Variants in SULF1 observed in about 807,000 individuals in gnomAD.
The protein encoded by SULF1 is extracellular sulfatase Sulf-1.
In SULF1, 46 loss-of-function variants were observed where a neutral mutation model predicts 110.5. The ratio of observed to expected loss-of-function variants is 0.42; its 90% CI spans 0.33 to 0.53. The LOEUF (loss-of-function observed/expected upper bound fraction) is 0.53, where lower values mean the gene tolerates loss of function less well. Ranked by LOEUF, SULF1 falls within the 20% of genes least tolerant of loss-of-function variation. The pLI is 0.12. For missense variants in SULF1, 941 were observed against 1,094.2 expected (o/e 0.86, Z 1.98); for synonymous variants, 371 against 387.1 (o/e 0.96, Z 0.49).
intron 13 of SULF1, among the ~76,000 whole-genome samples, chr8:69,616,130 A>G (rs187118751): frequency 2.2e-5 from 3 of 135,336 alleles, no homozygotes; most frequent in Non-Finnish European, 3.3e-5. Flanking sequence ...TATAATGTGT[A>G]TATATATACA....
rs548889523 is a variant in SULF1, at chr8:69,533,576, C to T, written c.-133-29963C>T. On this transcript the variant is annotated intron_variant, in intron 3 of 22. Coordinates refer to ENST00000402687, the MANE Select transcript of SULF1 (RefSeq NM_001128205.2). The stretch of plus-strand genomic sequence containing the variant: ...GCTCCATCCGTGTCCCTGCAAAGGA[C>T]GTGATCTCATTCCGTTTTATGGCTG... 2.2e-4 allele frequency among the ~76,000 whole-genome samples: 33 copies of T among 152,284 alleles called. 1 individual carries two copies. Among genetic ancestry groups the T allele is most frequent in the African/African-American group, 7.0e-4 (29 of 41,552 alleles).
At chr8:69,518,233 C>G (rs1344245357) in intron 3 of SULF1, among the ~76,000 whole-genome samples, 1 of 152,118 alleles carries the variant, frequency 6.6e-6, no homozygotes, top group Non-Finnish European at 1.5e-5. Context: ...TACTTTTCAG[C>G]TCTAGAAATT....
chr8:69,592,605 A>T (rs140196534), intron 8 of SULF1, among the ~76,000 whole-genome samples: 7 of 152,322 alleles, frequency 4.6e-5, no homozygotes, highest in African/African-American at 1.7e-4. Flanking sequence ...TAAAATGGAG[A>T]TAATACTAAC....
intron 3 of SULF1, among the ~76,000 whole-genome samples, chr8:69,526,794 A>AAAGAAAGG (rs1186858204): frequency 1.3e-5 from 1 of 75,350 alleles, no homozygotes; most frequent in Admixed American, 1.6e-4. Flanking sequence ...CTGTGTCAAG[A>AAAGAAAGG]AAGAAAGGAA....
At chr8:69,468,174 T>C (rs1427718945) in intron 1 of SULF1, among the ~76,000 whole-genome samples, 1 of 152,202 alleles carries the variant, frequency 6.6e-6, no homozygotes, top group Non-Finnish European at 1.5e-5. Flanking sequence ...TACTGGACTT[T>C]CACATTTGGC....
chr8:69,549,217 T>A (rs1215057565), intron 3 of SULF1, among the ~76,000 whole-genome samples: 2 of 152,212 alleles, frequency 1.3e-5, no homozygotes, highest in Non-Finnish European at 2.9e-5. Flanking sequence ...GCCCCCTCCA[T>A]GAAACAGCAG....
chr8:69,498,980 T>A (rs117592172), intron 2 of SULF1, among the ~76,000 whole-genome samples: 4,990 of 152,234 alleles, frequency 0.033, 120 homozygotes, highest in Middle Eastern at 0.061. Flanking sequence ...CACCTAAGCC[T>A]CCCTAGGAGC....
At chr8:69,612,037 A>T (rs189571639) in intron 13 of SULF1, among the ~76,000 whole-genome samples, 11 of 152,112 alleles carry the variant, frequency 7.2e-5, no homozygotes, top group Admixed American at 3.9e-4. Context: ...AGTTTATTAT[A>T]TCATTCTTAT....
At chr8:69,545,436 T>A (rs2150678790) in intron 3 of SULF1, among the ~76,000 whole-genome samples, 1 of 152,310 alleles carries the variant, frequency 6.6e-6, no homozygotes, top group South Asian at 2.1e-4. Flanking sequence ...CCTTATTGAC[T>A]AAAGGTTTTA....
At chr8:69,580,460 C>T (rs117533069) in intron 6 of SULF1, among the ~76,000 whole-genome samples, 462 of 152,218 alleles carry the variant, frequency 3.0e-3, no homozygotes, top group Non-Finnish European at 4.3e-3. Flanking sequence ...TTGAAAACAT[C>T]GTGGAATCAC....
chr8:69,633,582 C>A (rs1035400764), intron 19 of SULF1, among the ~76,000 whole-genome samples: 2 of 151,918 alleles, frequency 1.3e-5, no homozygotes, highest in African/African-American at 4.8e-5. Context: ...GGTGATCCAC[C>A]CGCCTCGGCC....
intron 16 of SULF1, among the ~76,000 whole-genome samples, chr8:69,627,546 A>T (rs1004289831): frequency 6.6e-6 from 1 of 152,280 alleles, no homozygotes; most frequent in South Asian, 2.1e-4. Context: ...TCTGTGAGAA[A>T]ATGATTCAGT....
At chr8:69,551,521 T>C (rs1350878520) in intron 3 of SULF1, among the ~76,000 whole-genome samples, 1 of 152,222 alleles carries the variant, frequency 6.6e-6, no homozygotes, top group Non-Finnish European at 1.5e-5. Context: ...TATGTTGGCA[T>C]GTTTGCCTTC....
At chr8:69,505,344 A>G (rs1318530013) in intron 3 of SULF1, among the ~76,000 whole-genome samples, 1 of 152,146 alleles carries the variant, frequency 6.6e-6, no homozygotes, top group Non-Finnish European at 1.5e-5. Context: ...AATGGCCTTT[A>G]TTGTACCTTC....
chr8:69,538,968 G>C lies in SULF1; in HGVS notation c.-133-24571G>C, dbSNP rs577139846. Among the ~76,000 whole-genome samples the C allele has an allele frequency of 2.6e-5, 4 of 152,306 alleles. No homozygotes were observed. In the East Asian group the frequency reaches 7.7e-4, roughly 29 times the overall value. ...GGCCTCCCAAAGTGCTGGGATTGCA[G>C]GCGTAAGCTACCGTGCCCAGCCTAA... On this transcript the variant is annotated intron_variant, in intron 3 of 22. Transcript: ENST00000402687.
chr8:69,606,822 C>T (rs1032918808), intron 13 of SULF1, among the ~76,000 whole-genome samples: 29 of 152,186 alleles, frequency 1.9e-4, no homozygotes, highest in Non-Finnish European at 3.4e-4. Flanking sequence ...TGTTTCATTT[C>T]GCTGTGAATC....
Position 69,629,692 on chromosome 8 carries a change from T to C in SULF1, c.2284+13T>C. ...CCGTTCTGGAACCGTAAGTTGCTTGTTCCAAATGCCACTTCCTGCCGCCAT... is the reference window on the plus strand; with the variant it reads ...CCGTTCTGGAACCGTAAGTTGCTTGCTCCAAATGCCACTTCCTGCCGCCAT... On this transcript the variant is annotated intron_variant, in intron 19 of 22. Coordinates refer to ENST00000402687, the MANE Select transcript of SULF1 (RefSeq NM_001128205.2). 9.5e-6 allele frequency: 15 copies of C among 1,584,834 alleles called. No homozygotes were observed. Among genetic ancestry groups the C allele is most frequent in the Non-Finnish European group, 1.3e-5 (15 of 1,165,124 alleles).
intron 13 of SULF1, 95 bp from the exon 14 acceptor site, chr8:69,620,939 TA>T (rs924502769): frequency 1.1e-4 from 116 of 1,055,320 alleles, no homozygotes; most frequent in South Asian, 2.5e-4. Context: ...CCAGTGCTTC[TA>T]AAAAAAAGAA....
intron 8 of SULF1, among the ~76,000 whole-genome samples, chr8:69,596,309 A>G (rs1397261776): frequency 6.6e-6 from 1 of 152,208 alleles, no homozygotes; most frequent in East Asian, 1.9e-4. Context: ...CTCTACCTCC[A>G]ACACAGAATT....
Sources: gnomAD v4.1 joint callset for allele counts (sites outside exome capture counted in the v4.1 genomes callset) on GRCh38, gnomAD v4.1.1 for gene constraint, MANE v1.5 for transcripts, NCBI Gene and HGNC (gene_info 2026-07-23, HGNC 2026-07-21) for gene names.